The following RALGAPA1 variants were observed in gnomAD, a reference collection of about 807,000 sequenced individuals.
RALGAPA1 encodes Ral GTPase activating protein catalytic subunit alpha 1.
In RALGAPA1, 52 loss-of-function variants were observed where a neutral mutation model predicts 269.6. The observed-to-expected ratio is 0.19, with a 90% CI of 0.15 to 0.24. The LOEUF (loss-of-function observed/expected upper bound fraction) is 0.24, where lower values mean the gene tolerates loss of function less well. RALGAPA1 is among the 10% of genes least tolerant of loss of function. The pLI, the probability that RALGAPA1 is intolerant of heterozygous loss-of-function variation, is 1.00. For missense variants in RALGAPA1, 1,917 were observed against 3,013.9 expected, an observed-to-expected ratio of 0.64 and a Z score of 8.52; for synonymous variants, 817 against 1,008.3, an observed-to-expected ratio of 0.81 and a Z score of 3.60.
chr14:35,558,596 T>C (rs1015001912), intron 39 of RALGAPA1, among the ~76,000 whole-genome samples: 2 of 152,230 alleles, frequency 1.3e-5, no homozygotes, highest in African/African-American at 4.8e-5. Context: ...TTTTTGATAG[T>C]AGTTACATGC....
At chr14:35,699,344 AC>A (rs993589122) in intron 17 of RALGAPA1, among the ~76,000 whole-genome samples, 14 of 152,274 alleles carry the variant, frequency 9.2e-5, no homozygotes, top group African/African-American at 3.4e-4. Flanking sequence ...CAAAAAGGTC[AC>A]TGGGAAACTT....
intron 17 of RALGAPA1, among the ~76,000 whole-genome samples, chr14:35,691,017 C>T (rs576172725): frequency 2.6e-5 from 4 of 151,312 alleles, no homozygotes; most frequent in African/African-American, 7.3e-5. Flanking sequence ...TGCGGTGAGC[C>T]GAAATAATGC....
intron 37 of RALGAPA1, among the ~76,000 whole-genome samples, chr14:35,574,356 C>A (rs535048146): frequency 2.6e-5 from 4 of 152,120 alleles, no homozygotes; most frequent in Non-Finnish European, 4.4e-5. Flanking sequence ...GAAGCTTGTT[C>A]AAATATCTTC....
At chr14:35,770,693 GT>G (rs2074545555) in intron 4 of RALGAPA1, among the ~76,000 whole-genome samples, 2 of 152,074 alleles carry the variant, frequency 1.3e-5, no homozygotes, top group Admixed American at 1.3e-4. Context: ...TTGTTTTATA[GT>G]TTTATCATCA....
chr14:35,649,449 C>T (rs1427469564), intron 31 of RALGAPA1, among the ~76,000 whole-genome samples: 9 of 151,776 alleles, frequency 5.9e-5, no homozygotes, highest in South Asian at 4.2e-4. Context: ...CATAGTGTGG[C>T]ATCCAAGGCC....
chr14:35,656,482 A>C (rs2063184150), intron 28 of RALGAPA1, among the ~76,000 whole-genome samples: 1 of 152,208 alleles, frequency 6.6e-6, no homozygotes, highest in Non-Finnish European at 1.5e-5. Context: ...GTAGCAATAT[A>C]ATTTCAGCTG....
chr14:35,686,053 G>T (rs941870760), intron 19 of RALGAPA1, among the ~76,000 whole-genome samples: 1 of 151,912 alleles, frequency 6.6e-6, no homozygotes, highest in African/African-American at 2.4e-5. Context: ...CAGTATTTGT[G>T]CTAGCAAAAC....
intron 37 of RALGAPA1, among the ~76,000 whole-genome samples, chr14:35,592,851 T>A (rs917124140): frequency 2.0e-5 from 3 of 152,162 alleles, no homozygotes; most frequent in African/African-American, 7.2e-5. Flanking sequence ...AGGAAAGTTC[T>A]TCAACACAAT....
At chr14:35,633,183 G>A (rs1286638425) in intron 33 of RALGAPA1, among the ~76,000 whole-genome samples, 1 of 152,022 alleles carries the variant, frequency 6.6e-6, no homozygotes, top group Admixed American at 6.6e-5. Context: ...CTTTGTTCAA[G>A]AAACATACTA....
chr14:35,681,153 G>A (rs574365206), intron 21 of RALGAPA1, among the ~76,000 whole-genome samples: 2 of 152,050 alleles, frequency 1.3e-5, no homozygotes, highest in Non-Finnish European at 1.5e-5. Flanking sequence ...GTACTATTGC[G>A]TTAGTAGTAT....
intron 12 of RALGAPA1, among the ~76,000 whole-genome samples, chr14:35,735,569 A>C (rs983537334): frequency 6.6e-6 from 1 of 152,194 alleles, no homozygotes; most frequent in Non-Finnish European, 1.5e-5. Context: ...GAAGGGTAGT[A>C]GGGGGGCAAG....
At chr14:35,604,607 T>C (rs2059478831) in intron 36 of RALGAPA1, among the ~76,000 whole-genome samples, 1 of 152,022 alleles carries the variant, frequency 6.6e-6, no homozygotes, top group South Asian at 2.1e-4. Flanking sequence ...TCTTTAACAA[T>C]TTTGCTCATA....
intron 36 of RALGAPA1, among the ~76,000 whole-genome samples, chr14:35,598,833 T>G (rs1280983096): frequency 6.6e-6 from 1 of 152,244 alleles, no homozygotes; most frequent in Non-Finnish European, 1.5e-5. Context: ...TCATTTATAT[T>G]TCATGTAATT....
chr14:35,552,936 A>C (rs2055165995), intron 39 of RALGAPA1, among the ~76,000 whole-genome samples: 1 of 152,140 alleles, frequency 6.6e-6, no homozygotes, highest in Non-Finnish European at 1.5e-5. Flanking sequence ...TTAAATTATT[A>C]CTCTTGATTT....
intron 11 of RALGAPA1, among the ~76,000 whole-genome samples, chr14:35,741,676 C>G (rs571030826): frequency 2.4e-4 from 37 of 152,296 alleles, no homozygotes; most frequent in Non-Finnish European, 4.3e-4. Flanking sequence ...TCAGACAAAA[C>G]AGATAAATCA....
intron 31 of RALGAPA1, among the ~76,000 whole-genome samples, chr14:35,650,493 T>G (rs2062752487): frequency 6.6e-6 from 1 of 152,192 alleles, no homozygotes; most frequent in African/African-American, 2.4e-5. Flanking sequence ...CTAAACAATC[T>G]GTTCAAATGG....
At chr14:35,644,093 C>T (rs575166976) in intron 31 of RALGAPA1, among the ~76,000 whole-genome samples, 3 of 152,126 alleles carry the variant, frequency 2.0e-5, no homozygotes, top group Non-Finnish European at 4.4e-5. Flanking sequence ...GAAGGATACC[C>T]CATTTATCCT....
intron 1 of RALGAPA1, among the ~76,000 whole-genome samples, chr14:35,804,843 C>G (rs993256518): frequency 4.0e-5 from 6 of 151,782 alleles, no homozygotes; most frequent in Non-Finnish European, 8.8e-5. Flanking sequence ...GAAGGAGGAT[C>G]GCTGGACCCT....
chr14:35,557,098 A>ATGTGTGTGTGTGTGTGTGTG (rs56835063), intron 39 of RALGAPA1, among the ~76,000 whole-genome samples: 2 of 142,430 alleles, frequency 1.4e-5, no homozygotes, highest in Non-Finnish European at 1.5e-5. Context: ...TCCAATATGT[A>ATGTGTGTGTGTGTGTGTGTG]TGTGTGTGTG....
Sources: allele counts gnomAD v4.1 joint callset (sites outside exome capture counted in the v4.1 genomes callset), GRCh38; gene constraint gnomAD v4.1.1; transcripts MANE v1.5; gene names NCBI Gene and HGNC (gene_info 2026-07-23, HGNC 2026-07-21).